PEAK1: variants seen among roughly 807,000 people sequenced by gnomAD.
PEAK1 encodes the protein pseudopodium enriched atypical kinase 1.
Under a neutral mutation model 124.7 loss-of-function variants are expected in PEAK1, and 54 were observed. The ratio of observed to expected loss-of-function variants is 0.43; its 90% CI spans 0.35 to 0.54. PEAK1 has a LOEUF of 0.54. Among genes scored for constraint, PEAK1 ranks in the 20% least tolerant of loss-of-function variants. The pLI is 0.01. For missense variants in PEAK1, 2,046 were observed against 2,134.5 expected (o/e 0.96, Z 0.82); for synonymous variants, 719 against 760.0 (o/e 0.95, Z 0.89).
intron 6 of PEAK1, among the ~76,000 whole-genome samples, chr15:77,207,842 G>A (rs1256089398): frequency 6.6e-6 from 1 of 152,160 alleles, no homozygotes; most frequent in African/African-American, 2.4e-5. Flanking sequence ...ATGGACTTCG[G>A]TTGATAAAGG....
At chr15:77,185,021 T>TGACA (rs1313657076) in intron 6 of PEAK1, among the ~76,000 whole-genome samples, 9 of 152,202 alleles carry the variant, frequency 5.9e-5, no homozygotes, top group African/African-American at 2.2e-4. Context: ...GACAGGAGGC[T>TGACA]TAAAAGACTG....
chr15:77,177,351 C>CT (rs2056948564), intron 7 of PEAK1, among the ~76,000 whole-genome samples: 1 of 152,118 alleles, frequency 6.6e-6, no homozygotes, highest in Non-Finnish European at 1.5e-5. Context: ...CAAGACTGTT[C>CT]TTTCTAGGAC....
rs567875386 is a variant in PEAK1 at position 77,179,717 on chromosome 15, G to T, written c.2210C>A (p.Ala737Asp). The change falls in exon 7 of 10, where the codon GCC becomes GAC. Residue 737 changes from alanine (A) to aspartate (D), a missense_variant. Physicochemically the swap from Ala to Asp is moderately radical, Grantham distance 126. Coordinates refer to ENST00000682557, the MANE Select transcript of PEAK1 (RefSeq NM_001385026.1). ...SHSSPAKIQR[A>D]TQEPVAKIEG... ...TATTTTGGCCACAGGCTCTTGAGTG[G>T]CTCTCTGGATCTTTGCTGGGGAGCT... 1.1e-5 allele frequency: 17 copies of T among 1,613,996 alleles called. No individual in the cohort carries two copies. The highest frequency in any genetic ancestry group is 1.4e-5 in the Non-Finnish European group (17 of 1,179,984).
chr15:77,319,723 A>T (rs2065080735), intron 2 of PEAK1, among the ~76,000 whole-genome samples: 1 of 152,178 alleles, frequency 6.6e-6, no homozygotes, highest in African/African-American at 2.4e-5. Context: ...TTTGTGCACC[A>T]TCAATCCCTC....
In PEAK1 at chr15:77,183,540, C is replaced by T. The variant is rs368260866; in HGVS notation, c.-114-1500G>A. Among the ~76,000 whole-genome samples the T allele has an allele frequency of 7.1e-4, 108 of 152,250 alleles. 3 individuals are homozygous for T. The South Asian group carries it at 0.022, about 31-fold the overall frequency. ...ACTAACTTTGAACCCCCATCAAGCA[C>T]AATGTTATCCTCCCCAAAATGGAAT... is the stretch of plus-strand genomic sequence containing the variant. On this transcript the variant is annotated intron_variant, in intron 6 of 9. Transcript: ENST00000682557.
At chr15:77,323,601 G>C (rs2065379547) in intron 2 of PEAK1, among the ~76,000 whole-genome samples, 1 of 152,146 alleles carries the variant, frequency 6.6e-6, no homozygotes, top group Admixed American at 6.5e-5. Flanking sequence ...TCTTCAAGGA[G>C]AACTACAAAC....
intron 7 of PEAK1, among the ~76,000 whole-genome samples, chr15:77,162,609 T>C (rs1352220382): frequency 1.2e-5 from 1 of 82,058 alleles, no homozygotes; most frequent in Non-Finnish European, 3.5e-5. Flanking sequence ...CTTTATCTCC[T>C]AACAAATGTT....
At chr15:77,170,145 G>C (rs1381477333) in intron 7 of PEAK1, among the ~76,000 whole-genome samples, 2 of 152,086 alleles carry the variant, frequency 1.3e-5, no homozygotes, top group African/African-American at 4.8e-5. Context: ...CAAGATAATG[G>C]GGGGAAGTGA....
intron 8 of PEAK1, among the ~76,000 whole-genome samples, chr15:77,141,805 T>C (rs779562047): frequency 1.3e-5 from 2 of 152,162 alleles, no homozygotes; most frequent in East Asian, 3.8e-4. Context: ...AATAATGCTA[T>C]TGAATCCCTA....
intron 5 of PEAK1, among the ~76,000 whole-genome samples, chr15:77,281,368 C>T (rs1166522889): frequency 2.0e-5 from 3 of 152,014 alleles, no homozygotes; most frequent in Non-Finnish European, 2.9e-5. Context: ...TTTTTTAACC[C>T]TACATAGAAA....
chr15:77,406,843 T>C (rs1692527679), intron 1 of PEAK1, among the ~76,000 whole-genome samples: 1 of 152,104 alleles, frequency 6.6e-6, no homozygotes. Flanking sequence ...AGAACAAATC[T>C]GGAGGTGTCA....
intron 2 of PEAK1, among the ~76,000 whole-genome samples, chr15:77,344,960 C>T (rs566359539): frequency 5.9e-5 from 9 of 152,278 alleles, no homozygotes; most frequent in Admixed American, 1.3e-4. Context: ...TCAGGGTTTT[C>T]TACATATAAG....
chr15:77,182,398 C>A (rs547905732), intron 6 of PEAK1, among the ~76,000 whole-genome samples: 1 of 152,148 alleles, frequency 6.6e-6, no homozygotes, highest in Non-Finnish European at 1.5e-5. Context: ...TCTTCTTCCA[C>A]CTACCCTTGA....
intron 8 of PEAK1, chr15:77,156,409 C>CT (rs1458816334): frequency 6.5e-6 from 1 of 152,712 alleles, no homozygotes; most frequent in Non-Finnish European, 1.5e-5. Flanking sequence ...TCACCCCTTT[C>CT]TTTGACTAGG....
intron 1 of PEAK1, among the ~76,000 whole-genome samples, chr15:77,411,206 AT>A (rs1414038926): frequency 2.0e-5 from 3 of 151,854 alleles, no homozygotes; most frequent in Non-Finnish European, 4.4e-5. Context: ...ACCCTGCTTG[AT>A]TTACAACCCT....
chr15:77,342,803 A>G (rs528149872), intron 2 of PEAK1, among the ~76,000 whole-genome samples: 1 of 152,266 alleles, frequency 6.6e-6, no homozygotes, highest in South Asian at 2.1e-4. Flanking sequence ...TTTCCTTTCT[A>G]AAGCTAAATA....
intron 2 of PEAK1, chr15:77,348,279 A>C: frequency 1.1e-6 from 1 of 910,336 alleles, no homozygotes; most frequent in Non-Finnish European, 1.3e-6. Flanking sequence ...CCTGAGTCTC[A>C]ATTTTCCTCA....
At chr15:77,233,188 T>C (rs145839329) in intron 6 of PEAK1, among the ~76,000 whole-genome samples, 1 of 152,300 alleles carries the variant, frequency 6.6e-6, no homozygotes, top group East Asian at 1.9e-4. Context: ...ACTGCATTTC[T>C]CCATTACCTT....
chr15:77,318,187 A>C lies in PEAK1; in HGVS notation c.-602-31683T>G, dbSNP rs867541165. 6.6e-5 allele frequency among the ~76,000 whole-genome samples: 10 copies of C among 152,138 alleles called. No individual in the cohort carries two copies. The South Asian group carries it at 1.9e-3, about 28-fold the overall frequency. On this transcript the variant is annotated intron_variant, in intron 2 of 9. Coordinates refer to ENST00000682557, the MANE Select transcript of PEAK1 (RefSeq NM_001385026.1). Reference sequence around the variant, plus strand: ...TGCATGCATACACACACACACACACAAATGTATATAAACTAGTGAAATCTG... The same window carrying C: ...TGCATGCATACACACACACACACACCAATGTATATAAACTAGTGAAATCTG...
Sources: gnomAD v4.1 joint callset for allele counts (sites outside exome capture counted in the v4.1 genomes callset) on GRCh38, gnomAD v4.1.1 for gene constraint, MANE v1.5 for transcripts, NCBI Gene and HGNC (gene_info 2026-07-23, HGNC 2026-07-21) for gene names.